Variants in STAB2 observed in about 807,000 individuals in gnomAD.
STAB2 encodes the protein stabilin-2.
Under a neutral mutation model 338.1 loss-of-function variants are expected in STAB2, and 288 were observed. The ratio of observed to expected loss-of-function variants is 0.85; its 90% CI spans 0.77 to 0.94. The LOEUF (loss-of-function observed/expected upper bound fraction) is 0.94, where lower values mean the gene tolerates loss of function less well. Ranked by LOEUF, STAB2 falls within the 40% of genes least tolerant of loss-of-function variation. The probability of loss-of-function intolerance (pLI) is 0.00; values close to 1 mark genes in which losing one functional copy is unlikely to be tolerated. For missense variants in STAB2, 3,141 were observed against 3,210.1 expected, an observed-to-expected ratio of 0.98 and a Z score of 0.52; for synonymous variants, 1,202 against 1,193.3, an observed-to-expected ratio of 1.01 and a Z score of -0.15.
At chr12:103,618,093 C>G (rs1565963893) in intron 3 of STAB2, among the ~76,000 whole-genome samples, 1 of 152,178 alleles carries the variant, frequency 6.6e-6, no homozygotes. Context: ...TTTCTTAGTG[C>G]TTAGAAGTCT....
intron 41 of STAB2, 142 bp from the exon 42 acceptor site, chr12:103,713,501 G>A: frequency 1.6e-6 from 2 of 1,263,810 alleles, no homozygotes; most frequent in Non-Finnish European, 2.2e-6. Flanking sequence ...CTTGCTCTCT[G>A]TTTTTGGGAA....
At chr12:103,709,307 G>A (rs1453944289) in intron 39 of STAB2, among the ~76,000 whole-genome samples, 1 of 152,254 alleles carries the variant, frequency 6.6e-6, no homozygotes, top group Non-Finnish European at 1.5e-5. Flanking sequence ...TAAGGGCAAA[G>A]AGGAGGGTTG....
At chr12:103,681,956 T>G (rs1260653540) in intron 25 of STAB2, among the ~76,000 whole-genome samples, 1 of 152,138 alleles carries the variant, frequency 6.6e-6, no homozygotes, top group African/African-American at 2.4e-5. Flanking sequence ...TGACCTCATC[T>G]TAACTAATTA....
intron 19 of STAB2, 191 bp from the exon 20 acceptor site, chr12:103,668,449 CCAA>C (rs1254354827): frequency 1.7e-6 from 1 of 573,000 alleles, no homozygotes; most frequent in African/African-American, 1.9e-5. Flanking sequence ...CTGTATTCCA[CCAA>C]CAAGGGAACA....
At position 103,713,674 on chromosome 12, in the gene STAB2, T is replaced by C. The variant is rs1880064963; in HGVS notation, c.4443T>C (p.Gly1481=). ...AINACEISNG[G]CSAKADCKRT... ...ATGCCTGTGAGATCAGCAATGGAGG[T>C]TGCTCTGCCAAGGCTGACTGTAAGA... Residue 1481 remains glycine, a synonymous_variant, in exon 42 of 69, where the codon GGT becomes GGC. Coordinates refer to ENST00000388887, the MANE Select transcript of STAB2 (RefSeq NM_017564.10). 6.2e-7 allele frequency: 1 copy of C among 1,614,016 alleles called. No individual in the cohort carries two copies. The highest frequency in any genetic ancestry group is 8.5e-7 in the Non-Finnish European group (1 of 1,179,932).
At chr12:103,713,800 T>C in intron 42 of STAB2, 32 bp downstream of exon 42, 2 of 1,611,936 alleles carry the variant, frequency 1.2e-6, no homozygotes, top group Non-Finnish European at 1.7e-6. Flanking sequence ...ATCGGCGAAA[T>C]GGTATAAGAG....
rs1305912775 is a variant in STAB2 at position 103,732,187 on chromosome 12, T to C, written c.5283+552T>C. ...AGCTGGGCATGATGGCATTCACCTGTAGTTCCAGCTACTTAGGAGGGTGAG... is the reference window on the plus strand; with the variant it reads ...AGCTGGGCATGATGGCATTCACCTGCAGTTCCAGCTACTTAGGAGGGTGAG... On this transcript the variant is annotated intron_variant, in intron 50 of 68. Coordinates refer to ENST00000388887, the MANE Select transcript of STAB2 (RefSeq NM_017564.10). Among the ~76,000 whole-genome samples the C allele has an allele frequency of 6.6e-5, 10 of 152,120 alleles. No homozygotes were observed. In the East Asian group the frequency reaches 1.5e-3, roughly 23 times the overall value.
At position 103,673,978 on chromosome 12, in the gene STAB2, A is replaced by G. The variant is rs1308322540; in HGVS notation, c.2443A>G (p.Arg815Gly). Reference sequence around the variant, plus strand: ...TGGGGCCTGCCTCACTGGCACATGCAGAGACGGCTCTGCCGGGAGACTCTG... The same window carrying G: ...TGGGGCCTGCCTCACTGGCACATGCGGAGACGGCTCTGCCGGGAGACTCTG... Reference protein sequence around the residue: ...SDGACLTGTCRDGSAGRLCDK... With the variant: ...SDGACLTGTCGDGSAGRLCDK... The change falls in exon 23 of 69, where the codon AGA becomes GGA. Residue 815 changes from arginine to glycine, a missense_variant. By Grantham distance (125) the Arg-to-Gly change is moderately radical. Transcript: ENST00000388887. 1.9e-6 allele frequency: 3 copies of G among 1,614,036 alleles called. No individual in the cohort carries two copies. The highest frequency in any genetic ancestry group is 2.5e-6 in the Non-Finnish European group (3 of 1,180,032).
At chr12:103,697,163 C>T (rs951111908) in intron 33 of STAB2, among the ~76,000 whole-genome samples, 4 of 152,172 alleles carry the variant, frequency 2.6e-5, no homozygotes, top group Non-Finnish European at 4.4e-5. Flanking sequence ...TGCTCTCTCC[C>T]GCCTCTGAAT....
At chr12:103,685,115 A>G in intron 27 of STAB2, 31 bp downstream of exon 27, 1 of 1,597,862 alleles carries the variant, frequency 6.3e-7, no homozygotes. Flanking sequence ...TCAATAATAT[A>G]GACAAAACCC....
chr12:103,700,689 C>T (rs1404665312), intron 34 of STAB2, among the ~76,000 whole-genome samples: 2 of 152,112 alleles, frequency 1.3e-5, no homozygotes, highest in African/African-American at 2.4e-5. Context: ...GAGATTAATG[C>T]CCAATGCAGT....
intron 47 of STAB2, among the ~76,000 whole-genome samples, 161 bp from the exon 48 acceptor site, chr12:103,728,688 T>C (rs932124756): frequency 2.0e-5 from 3 of 152,154 alleles, no homozygotes; most frequent in African/African-American, 7.2e-5. Flanking sequence ...CCCTTTTGTC[T>C]GAACAGCCTC....
chr12:103,745,288 G>C lies in STAB2; in HGVS notation c.6136+11G>C, dbSNP rs2292686. On this transcript the variant is annotated intron_variant, in intron 57 of 68. Transcript: ENST00000388887. ...GTGACACTCAGGCAGGTCAGTCATG[G>C]GAGTGGTCAGCTGCTGGCAGCCCAG... 7,673 of 1,611,036 alleles carry C rather than the reference G, an allele frequency of 4.8e-3. 247 individuals are homozygous for C. In the East Asian group the frequency reaches 0.073, roughly 15 times the overall value.
intron 28 of STAB2, 23 bp from the exon 29 acceptor site, chr12:103,689,823 T>A: frequency 1.9e-6 from 3 of 1,608,398 alleles, no homozygotes; most frequent in Non-Finnish European, 2.5e-6. Flanking sequence ...AGCAGGTCAC[T>A]TTATTTTCCT....
At chr12:103,653,861 TGGATGGATGGATGGA>T (rs1873970977) in intron 12 of STAB2, among the ~76,000 whole-genome samples, 2 of 148,898 alleles carry the variant, frequency 1.3e-5, no homozygotes, top group Non-Finnish European at 3.0e-5. Context: ...GATGGATGGA[TGGATGGATGGATGGA>T]TGGAGAGATG....
intron 46 of STAB2, among the ~76,000 whole-genome samples, chr12:103,726,708 C>T (rs1881232242): frequency 6.6e-6 from 1 of 151,854 alleles, no homozygotes; most frequent in African/African-American, 2.4e-5. Context: ...GATCTTTCTG[C>T]ACATCATACA....
At position 103,712,454 on chromosome 12, in the gene STAB2, G is replaced by A. The variant is rs1403339786; in HGVS notation, c.4411+11G>A. The A allele has an allele frequency of 1.2e-6, 2 of 1,609,784 alleles. No individual in the cohort carries two copies. The highest frequency in any genetic ancestry group is 1.7e-5 in the Admixed American group (1 of 60,022). ...GGACCATCTGCACAGGCAAGCGAAG[G>A]AAGGAATTTGCTGGGGGGGCTGGCA... On this transcript the variant is annotated intron_variant, in intron 41 of 68. Transcript: ENST00000388887.
chr12:103,652,778 T>C (rs1016220036), intron 12 of STAB2, 73 bp downstream of exon 12: 1 of 1,421,832 alleles, frequency 7.0e-7, no homozygotes, highest in African/African-American at 1.5e-5. Flanking sequence ...CTTCTCTCTC[T>C]TTTTGTTTGG....
chr12:103,635,921 C>A (rs752524536), intron 6 of STAB2, among the ~76,000 whole-genome samples: 1 of 152,188 alleles, frequency 6.6e-6, no homozygotes, highest in African/African-American at 2.4e-5. Context: ...CAGTGACTAA[C>A]GCCATGCTTT....
Sources: gnomAD v4.1 joint callset for allele counts (sites outside exome capture counted in the v4.1 genomes callset) on GRCh38, gnomAD v4.1.1 for gene constraint, MANE v1.5 for transcripts, NCBI Gene and HGNC (gene_info 2026-07-23, HGNC 2026-07-21) for gene names.